EPHA6: variants seen among roughly 807,000 people sequenced by gnomAD.
EPHA6 encodes the protein ephrin type-A receptor 6.
In EPHA6, 50 loss-of-function variants were observed where a neutral mutation model predicts 112.0. The ratio of observed to expected loss-of-function variants is 0.45; its 90% confidence interval spans 0.36 to 0.56. The LOEUF (loss-of-function observed/expected upper bound fraction) is 0.56. Ranked by LOEUF, EPHA6 falls within the 20% of genes least tolerant of loss-of-function variation. The pLI, the probability that EPHA6 is intolerant of heterozygous loss-of-function variation, is 0.00. For synonymous variants in EPHA6, 529 were observed against 490.7 expected, an observed-to-expected ratio of 1.08 and a Z score of -1.03; for missense variants, 1,280 against 1,417.4, an observed-to-expected ratio of 0.90 and a Z score of 1.56.
chr3:97,086,398 G>A (rs915319489), intron 3 of EPHA6, among the ~76,000 whole-genome samples: 4 of 151,620 alleles, frequency 2.6e-5, no homozygotes, highest in East Asian at 1.9e-4. Context: ...TACCTTTACC[G>A]GACTTACATT....
At chr3:97,136,373 A>G (rs1354464374) in intron 3 of EPHA6, among the ~76,000 whole-genome samples, 2 of 152,172 alleles carry the variant, frequency 1.3e-5, no homozygotes, top group African/African-American at 4.8e-5. Flanking sequence ...AAATAAAAAG[A>G]TAAAACTCAA....
intron 3 of EPHA6, among the ~76,000 whole-genome samples, chr3:97,138,707 G>A (rs917964072): frequency 5.3e-5 from 8 of 152,330 alleles, no homozygotes; most frequent in African/African-American, 1.9e-4. Flanking sequence ...TCCAAATACA[G>A]AAAAGATCAT....
intron 5 of EPHA6, among the ~76,000 whole-genome samples, chr3:97,254,863 A>T (rs1433394265): frequency 6.6e-6 from 1 of 152,212 alleles, no homozygotes; most frequent in Non-Finnish European, 1.5e-5. Flanking sequence ...AGAGGAAAAC[A>T]GAAAAAATAA....
chr3:97,363,558 A>G (rs1305694605), intron 5 of EPHA6, among the ~76,000 whole-genome samples: 1 of 151,940 alleles, frequency 6.6e-6, no homozygotes, highest in African/African-American at 2.4e-5. Flanking sequence ...TACTGTTTAA[A>G]AAAGAACCTC....
At chr3:97,505,995 G>GTTCATTTCCTTTGCC (rs750937801) in intron 10 of EPHA6, among the ~76,000 whole-genome samples, 175 of 152,296 alleles carry the variant, frequency 1.1e-3, no homozygotes, top group Admixed American at 2.7e-3. Context: ...CTTTTGAGAA[G>GTTCATTTCCTTTGCC]TGTCTGTTCA....
chr3:96,848,130 C>T (rs1400362150), intron 1 of EPHA6, among the ~76,000 whole-genome samples: 1 of 151,932 alleles, frequency 6.6e-6, no homozygotes, highest in Non-Finnish European at 1.5e-5. Context: ...ATGTATCTTA[C>T]AAATTAGATT....
intron 3 of EPHA6, among the ~76,000 whole-genome samples, chr3:97,196,752 G>C (rs1462331249): frequency 1.3e-5 from 2 of 151,980 alleles, no homozygotes; most frequent in Non-Finnish European, 2.9e-5. Context: ...TCCTGTCTCG[G>C]TGGTCTTGGG....
intron 1 of EPHA6, among the ~76,000 whole-genome samples, chr3:96,863,214 G>A (rs1035402393): frequency 6.6e-6 from 1 of 151,912 alleles, no homozygotes; most frequent in East Asian, 1.9e-4. Context: ...AAATGGAAAA[G>A]TATTGGCTTT....
intron 7 of EPHA6, among the ~76,000 whole-genome samples, chr3:97,456,088 A>T (rs1316023982): frequency 6.6e-6 from 1 of 152,114 alleles, no homozygotes; most frequent in African/African-American, 2.4e-5. Flanking sequence ...TATTTAAAAG[A>T]AAAGTAACAA....
At chr3:96,908,182 A>G (rs879304519) in intron 2 of EPHA6, among the ~76,000 whole-genome samples, 3 of 151,986 alleles carry the variant, frequency 2.0e-5, no homozygotes, top group Admixed American at 2.0e-4. Context: ...CTGCACAGGG[A>G]AGCTCCTTTA....
intron 5 of EPHA6, among the ~76,000 whole-genome samples, chr3:97,311,067 C>T (rs1175231311): frequency 6.6e-6 from 1 of 151,512 alleles, no homozygotes; most frequent in Non-Finnish European, 1.5e-5. Context: ...AGCTGCCTTC[C>T]CAATTCTGGT....
intron 1 of EPHA6, among the ~76,000 whole-genome samples, chr3:96,829,167 G>T (rs1473384068): frequency 1.3e-5 from 2 of 152,024 alleles, no homozygotes; most frequent in Non-Finnish European, 2.9e-5. Flanking sequence ...TGTTTATCAA[G>T]AACTTTTGCT....
chr3:97,479,410 C>T (rs1277062642), intron 9 of EPHA6, 46 bp downstream of exon 9: 2 of 1,330,004 alleles, frequency 1.5e-6, no homozygotes, highest in African/African-American at 1.5e-5. Context: ...ACTGTTCCAG[C>T]ACTTCAGGAG....
rs146719871 is a variant in EPHA6, at chr3:96,924,442, G to A, written c.450+57553G>A. 1.8e-4 allele frequency among the ~76,000 whole-genome samples: 28 copies of A among 152,174 alleles called. 2 individuals carry two copies. The highest frequency in any genetic ancestry group is 6.3e-4 in the African/African-American group (26 of 41,516). On this transcript the variant is annotated intron_variant, in intron 2 of 17. Transcript: ENST00000389672. ...GAGTTCATTCATGATTTGGCTCTCT[G>A]CTTGCCTGTTGTTGGTGTATAGGAA...
At position 97,046,689 on chromosome 3, in the gene EPHA6, A is replaced by C. The variant is rs78354036; in HGVS notation, c.1114+58696A>C. ...TCACTGAACACAACCAATTTACAAA[A>C]GCCAGTAGTAATTCTATCTCCCAAC... On this transcript the variant is annotated intron_variant, in intron 3 of 17. Coordinates refer to ENST00000389672, the MANE Select transcript of EPHA6 (RefSeq NM_001080448.3). Among the ~76,000 whole-genome samples, 44 of 152,308 alleles carry C rather than the reference A, an allele frequency of 2.9e-4. No homozygotes were observed. In the East Asian group the frequency reaches 8.5e-3, roughly 29 times the overall value.
chr3:97,556,762 T>G (rs1370454), intron 11 of EPHA6, among the ~76,000 whole-genome samples: 1 of 151,860 alleles, frequency 6.6e-6, no homozygotes, highest in Non-Finnish European at 1.5e-5. Flanking sequence ...GATCATTGCA[T>G]AACTTTGTAA....
intron 5 of EPHA6, among the ~76,000 whole-genome samples, chr3:97,342,026 T>G (rs764899302): frequency 6.6e-6 from 1 of 152,138 alleles, no homozygotes; most frequent in East Asian, 1.9e-4. Flanking sequence ...TTCTGTAACA[T>G]AGAGAGAGGA....
At chr3:97,225,965 G>C (rs2078342195) in intron 3 of EPHA6, among the ~76,000 whole-genome samples, 1 of 152,114 alleles carries the variant, frequency 6.6e-6, no homozygotes, top group South Asian at 2.1e-4. Context: ...CCCATTCTTA[G>C]GTAAGCACTG....
intron 3 of EPHA6, among the ~76,000 whole-genome samples, chr3:97,206,467 G>C (rs59061716): frequency 6.6e-6 from 1 of 151,734 alleles, no homozygotes; most frequent in Non-Finnish European, 1.5e-5. Context: ...ATTTGAGTTC[G>C]TTTCCTCTCT....
Sources: allele counts gnomAD v4.1 joint callset (sites outside exome capture counted in the v4.1 genomes callset), GRCh38; gene constraint gnomAD v4.1.1; transcripts MANE v1.5; gene names NCBI Gene and HGNC (gene_info 2026-07-23, HGNC 2026-07-21).